Variants in LVRN observed in about 807,000 individuals in gnomAD.
The protein encoded by LVRN is aminopeptidase Q.
In LVRN, 99 loss-of-function variants were observed where a neutral mutation model predicts 111.4. That is an observed-to-expected ratio of 0.89 (90% CI 0.76 to 1.05). LVRN has a LOEUF of 1.05. Ranked by LOEUF, LVRN falls within the 50% of genes least tolerant of loss-of-function variation. The probability of loss-of-function intolerance (pLI) is 0.00; values close to 1 mark genes in which losing one functional copy is unlikely to be tolerated. For missense variants in LVRN, 1,414 were observed against 1,206.8 expected (o/e 1.17, Z -2.54); for synonymous variants, 488 against 449.5 (o/e 1.09, Z -1.08).
chr5:116,013,509 A>G (rs949123757), intron 15 of LVRN, among the ~76,000 whole-genome samples: 1 of 152,158 alleles, frequency 6.6e-6, no homozygotes, highest in African/African-American at 2.4e-5. Context: ...CTGCACTTCC[A>G]CAGAACTCCA....
chr5:115,991,184 G>A (rs952412970), intron 4 of LVRN, among the ~76,000 whole-genome samples: 2 of 152,188 alleles, frequency 1.3e-5, no homozygotes, highest in East Asian at 3.9e-4. Context: ...AAAATCCCCT[G>A]TTCTCCATCT....
At chr5:115,963,368 A>T (rs1192376596) in intron 1 of LVRN, 56 bp downstream of exon 1, 17 of 1,430,826 alleles carry the variant, frequency 1.2e-5, no homozygotes, top group Non-Finnish European at 1.5e-5. Context: ...GTCCCGGTGC[A>T]GGCTGCGGGT....
chr5:116,001,049 G>T lies in LVRN; in HGVS notation c.1648-18G>T. On this transcript the variant is annotated intron_variant, in intron 9 of 19. Transcript: ENST00000357872. ...CACGGATAACCTTACCTGCCTTTGT[G>T]GTGATTTTTTAAAACAGGCCATAGA... The T allele has an allele frequency of 3.8e-6, 6 of 1,574,840 alleles. No homozygotes were observed. The highest frequency in any genetic ancestry group is 5.1e-6 in the Non-Finnish European group (6 of 1,166,856).
intron 3 of LVRN, among the ~76,000 whole-genome samples, chr5:115,986,419 G>A (rs1015962602): frequency 2.6e-5 from 4 of 152,156 alleles, no homozygotes; most frequent in East Asian, 1.9e-4. Flanking sequence ...TTCTTGTAGC[G>A]GGATGATATC....
At chr5:115,995,023 G>A (rs1015257182) in intron 6 of LVRN, among the ~76,000 whole-genome samples, 1 of 151,960 alleles carries the variant, frequency 6.6e-6, no homozygotes, top group Non-Finnish European at 1.5e-5. Context: ...TTGTTCCAAG[G>A]CTGGATTACT....
chr5:115,999,788 A>G lies in LVRN; in HGVS notation c.1401A>G (p.Leu467=). 5 of 1,613,392 alleles carry G rather than the reference A, an allele frequency of 3.1e-6. No individual in the cohort carries two copies. Among genetic ancestry groups the G allele is most frequent in the Non-Finnish European group, 4.2e-6 (5 of 1,179,606 alleles). The stretch of plus-strand genomic sequence containing the variant: ...ATGAGATCTTTTTTTCTAACATTTT[A>G]CATAATATCCTCAGAGAAGATCACG... ...PRNEIFFSNI[L]HNILREDHAL... Residue 467 remains leucine, a synonymous_variant, in exon 7 of 20, where the codon TTA becomes TTG. Coordinates refer to ENST00000357872, the MANE Select transcript of LVRN (RefSeq NM_173800.5).
intron 12 of LVRN, 199 bp from the exon 13 acceptor site, chr5:116,005,713 G>A: frequency 1.5e-6 from 1 of 648,088 alleles, no homozygotes; most frequent in Non-Finnish European, 2.8e-6. Context: ...TGTCCAGAGG[G>A]TTCATTTATT....
rs779745901 is a variant in LVRN, at chr5:115,992,328, C to A, written c.1260+51C>A. 5.0e-6 allele frequency: 8 copies of A among 1,599,028 alleles called. No homozygotes were observed. The African/African-American group carries it at 5.4e-5, about 11-fold the overall frequency. The stretch of plus-strand genomic sequence containing the variant: ...TTCACTTGAAGTTATTCTCCAGGTG[C>A]GCTACCAAAATAGCATAAAAACCCC... On this transcript the variant is annotated intron_variant, in intron 5 of 19. Transcript: ENST00000357872.
Position 116,015,733 on chromosome 5 carries a change from C to G in LVRN, c.2724C>G (p.Phe908Leu), listed in dbSNP as rs750791450. The change falls in exon 18 of 20, where the codon TTC becomes TTG. Residue 908 changes from phenylalanine (F) to leucine (L), a missense_variant. By Grantham distance (22) the Phe-to-Leu change is conservative (BLOSUM62 0). Coordinates refer to ENST00000357872, the MANE Select transcript of LVRN (RefSeq NM_173800.5). The part of the protein sequence containing the change: ...SEVGRYVAKD[F>L]LVNNWQAVSK... ...TTGGCCGGTATGTCGCAAAAGACTT[C>G]TTAGTCAACAACTGGCAAGCTGTGA... The G allele has an allele frequency of 6.2e-7, 1 of 1,613,350 alleles. No individual in the cohort carries two copies. Among genetic ancestry groups the G allele is most frequent in the South Asian group, 1.1e-5 (1 of 90,964 alleles).
In LVRN at chr5:115,983,319, T is replaced by A; in HGVS notation, c.728T>A (p.Phe243Tyr). Residue 243 changes from phenylalanine to tyrosine, a missense_variant, in exon 2 of 20, where the codon TTT becomes TAT. Coordinates refer to ENST00000357872, the MANE Select transcript of LVRN (RefSeq NM_173800.5). ...TTAGCGTCCCAGCTGGAACCAACATTTGCCAGGTATGTTTTCCCTTGTTTT... is the reference window on the plus strand; with the variant it reads ...TTAGCGTCCCAGCTGGAACCAACATATGCCAGGTATGTTTTCCCTTGTTTT... ...ALLASQLEPT[F>Y]ARYVFPCFDE... 6.2e-7 allele frequency: 1 copy of A among 1,607,134 alleles called. No individual in the cohort carries two copies. The highest frequency in any genetic ancestry group is 1.1e-5 in the South Asian group (1 of 89,498).
At chr5:116,010,329 C>T (rs984287710) in intron 13 of LVRN, among the ~76,000 whole-genome samples, 2 of 152,108 alleles carry the variant, frequency 1.3e-5, no homozygotes, top group African/African-American at 4.8e-5. Flanking sequence ...GAACAGAATC[C>T]ACAATATCTC....
At chr5:116,004,325 G>C (rs1748310487) in intron 12 of LVRN, among the ~76,000 whole-genome samples, 1 of 152,182 alleles carries the variant, frequency 6.6e-6, no homozygotes, top group Non-Finnish European at 1.5e-5. Context: ...ATTTCCATGA[G>C]TGGAGCTGGA....
chr5:116,003,167 AGT>A (rs1427966021), intron 11 of LVRN, 72 bp from the exon 12 acceptor site: 1 of 1,314,920 alleles, frequency 7.6e-7, no homozygotes, highest in Non-Finnish European at 1.1e-6. Flanking sequence ...TTTAGAATCG[AGT>A]GTGTAGTATT....
rs145356217 is a variant in LVRN, at chr5:115,992,000, G to A, written c.1106-123G>A. On this transcript the variant is annotated intron_variant, in intron 4 of 19. Transcript: ENST00000357872. Reference sequence around the variant, plus strand: ...TTAGTCTTTAAAAAGCCTTCTCTCCGTTCAGGTTATAAATATTCCCTTGAA... The same window carrying A: ...TTAGTCTTTAAAAAGCCTTCTCTCCATTCAGGTTATAAATATTCCCTTGAA... 440 of 887,374 alleles carry A rather than the reference G, an allele frequency of 5.0e-4. 4 individuals are homozygous for A. Among genetic ancestry groups the A allele is most frequent in the Middle Eastern group, 3.9e-3 (11 of 2,836 alleles). The allele number at this position is 887,374 out of a possible 1,614,324, so 55.0% of individuals were successfully genotyped here. A position where few individuals can be genotyped will look rare whatever the true frequency, so the allele number is the denominator to read the frequency against.
chr5:116,001,737 C>G lies in LVRN; in HGVS notation c.1820+498C>G, dbSNP rs1229350815. Among the ~76,000 whole-genome samples the G allele has an allele frequency of 3.3e-5, 5 of 152,246 alleles. No individual in the cohort carries two copies. The South Asian group carries it at 8.3e-4, about 25-fold the overall frequency. ...TGTGTATTTGTAGCCATACCCACAA[C>G]ATTAGAATTAAGGCCTTTAGATTCA... On this transcript the variant is annotated intron_variant, in intron 10 of 19. Transcript: ENST00000357872.
chr5:115,981,347 T>G (rs1199357436), intron 1 of LVRN, among the ~76,000 whole-genome samples: 1 of 152,166 alleles, frequency 6.6e-6, no homozygotes, highest in African/African-American at 2.4e-5. Flanking sequence ...ATACATAACC[T>G]CTCATTTCTA....
intron 1 of LVRN, among the ~76,000 whole-genome samples, chr5:115,964,175 T>G (rs893735426): frequency 4.6e-5 from 7 of 152,248 alleles, no homozygotes; most frequent in South Asian, 4.1e-4. Flanking sequence ...CAAAATTTAT[T>G]TTTTTTCCAA....
intron 1 of LVRN, among the ~76,000 whole-genome samples, chr5:115,967,918 G>C (rs1306935849): frequency 1.3e-5 from 2 of 152,218 alleles, no homozygotes; most frequent in South Asian, 2.1e-4. Context: ...ATGCTGCTTT[G>C]TATGTTGATC....
chr5:115,993,218 A>ATTTTTG (rs1561560964), intron 5 of LVRN, among the ~76,000 whole-genome samples: 3 of 149,920 alleles, frequency 2.0e-5, no homozygotes, highest in Non-Finnish European at 1.5e-5. Context: ...TTTTCTGTTC[A>ATTTTTG]GTTCAAACAG....
Sources: gnomAD v4.1 joint callset for allele counts (sites outside exome capture counted in the v4.1 genomes callset) on GRCh38, gnomAD v4.1.1 for gene constraint, MANE v1.5 for transcripts, NCBI Gene and HGNC (gene_info 2026-07-23, HGNC 2026-07-21) for gene names.